Variants in PDE4B observed in about 807,000 individuals in gnomAD.
The protein encoded by PDE4B is phosphodiesterase 4B.
A neutral mutation model predicts 82.2 loss-of-function variants in PDE4B; 20 were observed. The observed-to-expected ratio is 0.24, with a 90% CI of 0.17 to 0.35. The LOEUF (loss-of-function observed/expected upper bound fraction) is 0.35, where lower values mean the gene tolerates loss of function less well. Among genes scored for constraint, PDE4B ranks in the 10% least tolerant of loss-of-function variants. The pLI is 1.00. For synonymous variants in PDE4B, 320 were observed against 318.9 expected (o/e 1.00, Z -0.04); for missense variants, 655 against 907.2 (o/e 0.72, Z 3.57).
At chr1:66,154,753 T>C (rs1480925207) in intron 3 of PDE4B, among the ~76,000 whole-genome samples, 1 of 152,222 alleles carries the variant, frequency 6.6e-6, no homozygotes, top group Non-Finnish European at 1.5e-5. Context: ...TTCTCATGCC[T>C]GTCTCTTCCA....
At chr1:65,840,973 C>T (rs1321098142) in intron 1 of PDE4B, among the ~76,000 whole-genome samples, 1 of 151,988 alleles carries the variant, frequency 6.6e-6, no homozygotes, top group African/African-American at 2.4e-5. Context: ...TGCTAGGATG[C>T]AAATTATTTA....
Position 65,796,579 on chromosome 1 carries a change from A to G in PDE4B, c.-71+3331A>G, listed in dbSNP as rs536923542. On this transcript the variant is annotated intron_variant, in intron 1 of 16. Transcript: ENST00000341517. ...TTCCATTTGGTTCTTTTTGCAGCTT[A>G]TGCTTATTTGCTGAGACATTCTATT... 1.4e-3 allele frequency among the ~76,000 whole-genome samples: 202 copies of G among 148,970 alleles called. 1 individual carries two copies. The highest frequency in any genetic ancestry group is 4.7e-3 in the African/African-American group (189 of 40,530).
intron 7 of PDE4B, among the ~76,000 whole-genome samples, chr1:66,291,598 A>C (rs1657084356): frequency 6.6e-6 from 1 of 152,188 alleles, no homozygotes; most frequent in African/African-American, 2.4e-5. Flanking sequence ...GAAAGCAAAC[A>C]TCCTGTTACA....
intron 3 of PDE4B, among the ~76,000 whole-genome samples, chr1:66,033,786 TTC>T (rs1178286538): frequency 3.3e-5 from 3 of 90,888 alleles, no homozygotes; most frequent in Non-Finnish European, 6.2e-5. Context: ...CTTTCTTTCT[TTC>T]TTTTTTGTAA....
At chr1:66,252,810 G>A (rs1293211000) in intron 4 of PDE4B, among the ~76,000 whole-genome samples, 2 of 152,100 alleles carry the variant, frequency 1.3e-5, no homozygotes, top group African/African-American at 2.4e-5. Context: ...GTAGTGGTGC[G>A]TGCTTGTGGT....
intron 2 of PDE4B, among the ~76,000 whole-genome samples, chr1:65,916,551 T>A (rs886212851): frequency 2.0e-5 from 3 of 152,204 alleles, no homozygotes; most frequent in African/African-American, 7.2e-5. Context: ...AAGACTTTGC[T>A]TTCCAGATAA....
At chr1:66,041,312 G>A (rs566900601) in intron 3 of PDE4B, among the ~76,000 whole-genome samples, 2 of 151,996 alleles carry the variant, frequency 1.3e-5, no homozygotes, top group South Asian at 2.1e-4. Context: ...AAATGTTCCA[G>A]CATTTGCTCA....
intron 3 of PDE4B, among the ~76,000 whole-genome samples, chr1:66,136,502 G>T (rs1287873596): frequency 6.6e-6 from 1 of 151,956 alleles, no homozygotes; most frequent in Non-Finnish European, 1.5e-5. Context: ...CTGAGGTCAG[G>T]AGTTTGAGAT....
chr1:66,333,574 G>C (rs1480372198), intron 8 of PDE4B, among the ~76,000 whole-genome samples: 5 of 152,148 alleles, frequency 3.3e-5, no homozygotes, highest in African/African-American at 1.2e-4. Flanking sequence ...TCATCTTGTT[G>C]TCTACGTTTC....
intron 3 of PDE4B, among the ~76,000 whole-genome samples, chr1:65,952,852 G>A (rs913398933): frequency 2.6e-5 from 4 of 152,102 alleles, no homozygotes; most frequent in Non-Finnish European, 5.9e-5. Flanking sequence ...AATTAAGTGA[G>A]TTGGTGAATG....
chr1:66,262,761 G>A (rs1189157917), intron 6 of PDE4B, among the ~76,000 whole-genome samples: 1 of 152,118 alleles, frequency 6.6e-6, no homozygotes, highest in Non-Finnish European at 1.5e-5. Context: ...AAATAAACAT[G>A]GTCCCTGCCT....
chr1:65,889,037 A>G (rs1471586249), intron 1 of PDE4B, among the ~76,000 whole-genome samples: 1 of 152,088 alleles, frequency 6.6e-6, no homozygotes, highest in East Asian at 1.9e-4. Context: ...GAAGACTTTC[A>G]GCTTTCCCCA....
At chr1:65,977,832 C>A (rs1650488379) in intron 3 of PDE4B, among the ~76,000 whole-genome samples, 1 of 152,038 alleles carries the variant, frequency 6.6e-6, no homozygotes, top group African/African-American at 2.4e-5. Context: ...GGTAATCCAG[C>A]AGGTAACTGT....
At chr1:66,342,189 A>G (rs1449904575) in intron 8 of PDE4B, among the ~76,000 whole-genome samples, 1 of 152,226 alleles carries the variant, frequency 6.6e-6, no homozygotes, top group Non-Finnish European at 1.5e-5. Context: ...GCATCTTGGG[A>G]TAATATTTAT....
chr1:66,219,650 G>C (rs1396211543), intron 3 of PDE4B, among the ~76,000 whole-genome samples: 1 of 152,124 alleles, frequency 6.6e-6, no homozygotes, highest in African/African-American at 2.4e-5. Context: ...ATGTGAAGAG[G>C]TGTCACTTCA....
intron 3 of PDE4B, among the ~76,000 whole-genome samples, chr1:65,977,817 CA>C (rs1159524909): frequency 6.6e-6 from 1 of 152,094 alleles, no homozygotes; most frequent in Non-Finnish European, 1.5e-5. Context: ...GAGAAGTGCA[CA>C]AATGGTAATC....
At position 66,202,221 on chromosome 1, in the gene PDE4B, A is replaced by C. The variant is rs1042493135; in HGVS notation, c.282-45239A>C. 2.0e-5 allele frequency among the ~76,000 whole-genome samples: 3 copies of C among 151,974 alleles called. No individual in the cohort carries two copies. The East Asian group carries it at 5.8e-4, about 29-fold the overall frequency. ...ACTGTGGTCTGAGAGACAGTTTGTT[A>C]TAATTTCTGTTCTTTTACATTTGTT... On this transcript the variant is annotated intron_variant, in intron 3 of 16. Transcript: ENST00000341517.
At chr1:65,943,157 A>G (rs900699722) in intron 3 of PDE4B, among the ~76,000 whole-genome samples, 2 of 151,536 alleles carry the variant, frequency 1.3e-5, no homozygotes, top group African/African-American at 4.8e-5. Context: ...CTTACATTTA[A>G]CTCTTAAATC....
In PDE4B at chr1:66,365,655, T is replaced by C. The variant is rs939401147; in HGVS notation, c.1285-12T>C. 48 of 1,564,288 alleles carry C rather than the reference T, an allele frequency of 3.1e-5. No homozygotes were observed. Among genetic ancestry groups the C allele is most frequent in the Non-Finnish European group, 4.2e-5 (48 of 1,136,634 alleles). ...TTGGATGTGTAGTTAAATGTGTTTA[T>C]TTGCCCGACAGGCTGTCTTCACAGA... On this transcript the variant is annotated splice_polypyrimidine_tract_variant and intron_variant, in intron 12 of 16. Transcript: ENST00000341517.
Sources: allele counts gnomAD v4.1 joint callset (sites outside exome capture counted in the v4.1 genomes callset), GRCh38; gene constraint gnomAD v4.1.1; transcripts MANE v1.5; gene names NCBI Gene and HGNC (gene_info 2026-07-23, HGNC 2026-07-21).